The following BICC1 variants were observed in gnomAD, a reference collection of about 807,000 sequenced individuals.
The protein encoded by BICC1 is BicC family RNA binding protein 1.
Under a neutral mutation model 111.0 loss-of-function variants are expected in BICC1, and 43 were observed. The ratio of observed to expected loss-of-function variants is 0.39; its 90% CI spans 0.30 to 0.50. The LOEUF is 0.50. Among genes scored for constraint, BICC1 ranks in the 20% least tolerant of loss-of-function variants. BICC1 has a pLI of 0.88. For missense variants in BICC1, 1,091 were observed against 1,203.2 expected (o/e 0.91, Z 1.38); for synonymous variants, 467 against 434.4 (o/e 1.07, Z -0.93).
At chr10:58,697,679 C>CTGCCCTATCTCCTGCCTTTG (rs1216542970) in intron 2 of BICC1, among the ~76,000 whole-genome samples, 30 of 152,320 alleles carry the variant, frequency 2.0e-4, no homozygotes, top group African/African-American at 7.2e-4. Context: ...GACTTGCTTA[C>CTGCCCTATCTCCTGCCTTTG]TGCCCTATCT....
intron 6 of BICC1, 118 bp from the exon 7 acceptor site, chr10:58,789,138 TAATATC>T (rs1159998066): frequency 2.6e-6 from 2 of 767,834 alleles, no homozygotes; most frequent in Admixed American, 5.7e-5. Flanking sequence ...TAGCTAAACT[TAATATC>T]TATAAGGGCA....
At chr10:58,683,918 A>G (rs1839622687) in intron 2 of BICC1, among the ~76,000 whole-genome samples, 2 of 152,196 alleles carry the variant, frequency 1.3e-5, no homozygotes, top group African/African-American at 2.4e-5. Flanking sequence ...TTTGTTGAAT[A>G]GGAGTGGTGA....
chr10:58,583,965 G>A (rs1437616359), intron 1 of BICC1, among the ~76,000 whole-genome samples: 4 of 151,602 alleles, frequency 2.6e-5, no homozygotes, highest in Non-Finnish European at 5.9e-5. Context: ...ACTGCACCTG[G>A]CCACTTTTTC....
intron 3 of BICC1, among the ~76,000 whole-genome samples, chr10:58,741,012 C>T (rs1212794543): frequency 6.6e-6 from 1 of 152,096 alleles, no homozygotes; most frequent in Non-Finnish European, 1.5e-5. Flanking sequence ...AGAGTGGTTT[C>T]AAATGGTGAG....
At chr10:58,690,137 T>G (rs1454039736) in intron 2 of BICC1, among the ~76,000 whole-genome samples, 1 of 152,154 alleles carries the variant, frequency 6.6e-6, no homozygotes, top group Non-Finnish European at 1.5e-5. Context: ...ATAAAATACA[T>G]ACATACACAC....
intron 3 of BICC1, 121 bp from the exon 4 acceptor site, chr10:58,784,880 C>G (rs1481431894): frequency 1.5e-5 from 6 of 398,384 alleles, no homozygotes; most frequent in Non-Finnish European, 4.4e-6. Context: ...TAATAATCTC[C>G]AAATGTTGAG....
At chr10:58,703,799 A>G (rs72802453) in intron 3 of BICC1, among the ~76,000 whole-genome samples, 2,359 of 152,326 alleles carry the variant, frequency 0.015, 30 homozygotes, top group Non-Finnish European at 0.022. Flanking sequence ...TTACTTAAAG[A>G]ATAAAATTAG....
intron 2 of BICC1, among the ~76,000 whole-genome samples, chr10:58,687,098 G>A (rs1173946495): frequency 6.6e-6 from 1 of 152,176 alleles, no homozygotes; most frequent in East Asian, 1.9e-4. Flanking sequence ...TTACAGTCAG[G>A]ACCCTCAGCT....
At chr10:58,769,404 G>GTGTATATATATA (rs1050060686) in intron 3 of BICC1, among the ~76,000 whole-genome samples, 10 of 109,746 alleles carry the variant, frequency 9.1e-5, no homozygotes, top group East Asian at 3.1e-4. Flanking sequence ...GTGTGTGTGT[G>GTGTATATATATA]TATATATATA....
In BICC1 at chr10:58,791,728, AG is replaced by A. The variant is rs572551235; in HGVS notation, c.1048-1755del. Among the ~76,000 whole-genome samples the A allele has an allele frequency of 2.6e-3, 395 of 152,260 alleles. 1 individual carries two copies. Among genetic ancestry groups the A allele is most frequent in the Non-Finnish European group, 4.2e-3 (284 of 67,996 alleles). On this transcript the variant is annotated intron_variant, in intron 8 of 20. Transcript: ENST00000373886. ...GCACTCCAGCCTGGGTGACAGAGCAAGACTCCGTTTAAAAAAAAAAATCAAT... is the reference window on the plus strand; with the variant it reads ...GCACTCCAGCCTGGGTGACAGAGCAAACTCCGTTTAAAAAAAAAAATCAAT...
intron 1 of BICC1, among the ~76,000 whole-genome samples, chr10:58,525,204 A>G (rs1051176967): frequency 2.3e-5 from 3 of 129,702 alleles, no homozygotes; most frequent in African/African-American, 7.8e-5. Context: ...CAGCAATCCC[A>G]TTACTGGGTA....
Position 58,599,180 on chromosome 10 carries a change from A to G in BICC1, c.191-21675A>G, listed in dbSNP as rs1199231120. On this transcript the variant is annotated intron_variant, in intron 1 of 20. Transcript: ENST00000373886. The stretch of plus-strand genomic sequence containing the variant: ...TACCCAGAGGATTATAAATCATTCT[A>G]CTATAAAGACACATGCACACATATG... Among the ~76,000 whole-genome samples the G allele has an allele frequency of 3.3e-5, 5 of 152,158 alleles. No homozygotes were observed. In the East Asian group the frequency reaches 9.6e-4, roughly 29 times the overall value.
At chr10:58,519,966 A>G (rs1318179053) in intron 1 of BICC1, among the ~76,000 whole-genome samples, 1 of 152,164 alleles carries the variant, frequency 6.6e-6, no homozygotes, top group Non-Finnish European at 1.5e-5. Context: ...GATTTGGTTT[A>G]GAATTGACAG....
At chr10:58,650,467 T>C (rs1240261478) in intron 2 of BICC1, 2 of 152,158 alleles carry the variant, frequency 1.3e-5, no homozygotes, top group Non-Finnish European at 2.9e-5. Flanking sequence ...CCCCACCAAA[T>C]GATGATTATT....
At chr10:58,661,815 A>C (rs1838853449) in intron 2 of BICC1, among the ~76,000 whole-genome samples, 1 of 152,172 alleles carries the variant, frequency 6.6e-6, no homozygotes, top group Non-Finnish European at 1.5e-5. Context: ...TTCAAATCTG[A>C]TATAATTTGG....
chr10:58,805,530 C>A (rs1309709830), intron 15 of BICC1, among the ~76,000 whole-genome samples: 1 of 152,186 alleles, frequency 6.6e-6, no homozygotes, highest in Non-Finnish European at 1.5e-5. Flanking sequence ...TTAAAAACTT[C>A]ATCAAAAATA....
intron 3 of BICC1, among the ~76,000 whole-genome samples, chr10:58,740,895 C>T (rs1048890928): frequency 1.3e-5 from 2 of 152,132 alleles, no homozygotes; most frequent in Middle Eastern, 3.2e-3. Flanking sequence ...AGGGGTGACA[C>T]GTGAAAAGGC....
intron 1 of BICC1, among the ~76,000 whole-genome samples, chr10:58,528,476 T>C (rs111714973): frequency 0.019 from 2,953 of 152,058 alleles, 38 homozygotes; most frequent in Non-Finnish European, 0.03. Flanking sequence ...CACTGAATTA[T>C]CTTGTTCTTA....
At chr10:58,584,075 C>T (rs3956819) in intron 1 of BICC1, among the ~76,000 whole-genome samples, 47,493 of 150,770 alleles carry the variant, frequency 0.32, 9,159 homozygotes, top group Admixed American at 0.49. Flanking sequence ...CACACACACA[C>T]ACACACACAC....
Sources: gnomAD v4.1 joint callset for allele counts (sites outside exome capture counted in the v4.1 genomes callset) on GRCh38, gnomAD v4.1.1 for gene constraint, MANE v1.5 for transcripts, NCBI Gene and HGNC (gene_info 2026-07-23, HGNC 2026-07-21) for gene names.